The following PTPN3 variants were observed in gnomAD, a reference collection of about 807,000 sequenced individuals.
PTPN3 encodes protein tyrosine phosphatase non-receptor type 3, also known as tyrosine-protein phosphatase non-receptor type 3.
Under a neutral mutation model 132.7 loss-of-function variants are expected in PTPN3, and 96 were observed. The ratio of observed to expected loss-of-function variants is 0.72; its 90% confidence interval spans 0.61 to 0.86. PTPN3 has a LOEUF of 0.86. Among genes scored for constraint, PTPN3 ranks in the 40% least tolerant of loss-of-function variants. The pLI is 0.00. For missense variants in PTPN3, 1,125 were observed against 1,159.6 expected, an observed-to-expected ratio of 0.97 and a Z score of 0.43; for synonymous variants, 398 against 429.0, an observed-to-expected ratio of 0.93 and a Z score of 0.89.
intron 10 of PTPN3, 54 bp downstream of exon 10, chr9:109,433,019 T>G: frequency 6.2e-7 from 1 of 1,600,022 alleles, no homozygotes; most frequent in Non-Finnish European, 8.5e-7. Context: ...TTACTTTTGT[T>G]AGGCATATTT....
the PTPN3 span, among the ~76,000 whole-genome samples, chr9:109,525,034 C>T: frequency 2.0e-5 from 3 of 152,214 alleles, no homozygotes; most frequent in African/African-American, 4.8e-5. Context: ...GTGTGAGCCA[C>T]CTTGCCTGGC....
chr9:109,436,795 GAAAT>G, intron 9 of PTPN3, 84 bp downstream of exon 9: 1 of 1,492,460 alleles, frequency 6.7e-7, no homozygotes, highest in South Asian at 1.4e-5. Context: ...TAATGAAAAA[GAAAT>G]AGTTTCATCA....
intron 22 of PTPN3, among the ~76,000 whole-genome samples, chr9:109,385,813 C>G (rs958589139): frequency 6.6e-6 from 1 of 152,218 alleles, no homozygotes; most frequent in Non-Finnish European, 1.5e-5. Context: ...GCTGCCAGAA[C>G]TCAGAATGCT....
intron 2 of PTPN3, among the ~76,000 whole-genome samples, chr9:109,459,577 G>T (rs1307362673): frequency 1.3e-5 from 2 of 152,052 alleles, no homozygotes; most frequent in East Asian, 1.9e-4. Context: ...TTAGAGACAG[G>T]GTCTTGCTCC....
chr9:109,406,639 A>G (rs1403923460), intron 17 of PTPN3, 21 bp from the exon 18 acceptor site: 1 of 1,613,084 alleles, frequency 6.2e-7, no homozygotes, highest in African/African-American at 1.3e-5. Context: ...GGGAAAAGCG[A>G]GTTTCTCCTG....
chr9:109,414,466 C>G (rs1318661330), intron 14 of PTPN3, among the ~76,000 whole-genome samples: 1 of 152,224 alleles, frequency 6.6e-6, no homozygotes, highest in Non-Finnish European at 1.5e-5. Flanking sequence ...AATAAAATTC[C>G]TGGAGAAATT....
At chr9:109,415,052 A>C (rs959101543) in intron 14 of PTPN3, among the ~76,000 whole-genome samples, 1 of 133,738 alleles carries the variant, frequency 7.5e-6, no homozygotes, top group South Asian at 2.8e-4. Flanking sequence ...CCGTCCGTCC[A>C]TCCGTCCATC....
Position 109,391,109 on chromosome 9 carries a change from C to G in PTPN3, c.2106+29G>C, listed in dbSNP as rs1182595933. 1.9e-6 allele frequency: 3 copies of G among 1,597,512 alleles called. No individual in the cohort carries two copies. In the South Asian group the frequency reaches 3.3e-5, roughly 18 times the overall value. ...TCGTTGCGACAGTGGTGAATGTGCT[C>G]TTAAGCATCATCCAGATTCCTAACT... On this transcript the variant is annotated intron_variant, in intron 21 of 25. Coordinates refer to ENST00000374541, the MANE Select transcript of PTPN3 (RefSeq NM_002829.4).
chr9:109,457,066 C>G, intron 4 of PTPN3, 107 bp downstream of exon 4: 6 of 1,206,244 alleles, frequency 5.0e-6, no homozygotes, highest in Non-Finnish European at 7.2e-6. Flanking sequence ...CCTGGACACC[C>G]GGAACTACAG....
At chr9:109,520,221 T>A in the PTPN3 span, among the ~76,000 whole-genome samples, 3 of 151,814 alleles carry the variant, frequency 2.0e-5, no homozygotes, top group Non-Finnish European at 4.4e-5. Context: ...TTACCTAGAT[T>A]TATCTAGAGC....
intron 10 of PTPN3, among the ~76,000 whole-genome samples, chr9:109,429,997 A>G (rs553827078): frequency 6.6e-6 from 1 of 152,320 alleles, no homozygotes; most frequent in South Asian, 2.1e-4. Flanking sequence ...CCTCTATTAC[A>G]TATTAGATAT....
chr9:109,531,233 G>C, the PTPN3 span, among the ~76,000 whole-genome samples: 336 of 152,238 alleles, frequency 2.2e-3, 1 homozygote, highest in African/African-American at 7.5e-3. Flanking sequence ...TTGTCCACTA[G>C]TTATATCTCA....
At chr9:109,408,117 C>A (rs1841717165) in intron 17 of PTPN3, among the ~76,000 whole-genome samples, 1 of 152,176 alleles carries the variant, frequency 6.6e-6, no homozygotes, top group African/African-American at 2.4e-5. Context: ...AGAGATGCTG[C>A]ATTTCTAATG....
chr9:109,523,618 C>A, the PTPN3 span, among the ~76,000 whole-genome samples: 5 of 152,380 alleles, frequency 3.3e-5, no homozygotes, highest in East Asian at 9.6e-4. Flanking sequence ...TTCTTTATGG[C>A]TCTTGTTGCT....
chr9:109,503,412 A>G, the PTPN3 span, among the ~76,000 whole-genome samples: 1 of 152,160 alleles, frequency 6.6e-6, no homozygotes, highest in Non-Finnish European at 1.5e-5. Flanking sequence ...CCATTGAAAA[A>G]TGTCTTTCTC....
the PTPN3 span, among the ~76,000 whole-genome samples, chr9:109,515,725 A>C: frequency 6.6e-6 from 1 of 152,182 alleles, no homozygotes; most frequent in Admixed American, 6.5e-5. Context: ...ACACGGCAAG[A>C]GAGGGAGTAA....
the PTPN3 span, among the ~76,000 whole-genome samples, chr9:109,534,803 AAAACAAACAAAC>A: frequency 0.19 from 29,188 of 150,608 alleles, 3,166 homozygotes; most frequent in Admixed American, 0.23. Context: ...ACTCCGTCTC[AAAACAAACAAAC>A]AAACAAACAA....
chr9:109,470,401 T>C (rs1488477726), intron 1 of PTPN3, among the ~76,000 whole-genome samples: 1 of 152,166 alleles, frequency 6.6e-6, no homozygotes, highest in Non-Finnish European at 1.5e-5. Flanking sequence ...CTGCTGTTGG[T>C]ACCTCAAAGA....
At chr9:109,456,519 A>C (rs955833310) in intron 4 of PTPN3, among the ~76,000 whole-genome samples, 1 of 152,162 alleles carries the variant, frequency 6.6e-6, no homozygotes, top group African/African-American at 2.4e-5. Context: ...GATGGAACAG[A>C]CTGAGGGGAG....
Sources: allele counts gnomAD v4.1 joint callset (sites outside exome capture counted in the v4.1 genomes callset), GRCh38; gene constraint gnomAD v4.1.1; transcripts MANE v1.5; gene names NCBI Gene and HGNC (gene_info 2026-07-23, HGNC 2026-07-21).